VPS13B: variants seen among roughly 807,000 people sequenced by gnomAD.
VPS13B encodes the protein intermembrane lipid transfer protein VPS13B.
Under a neutral mutation model 426.4 loss-of-function variants are expected in VPS13B, and 285 were observed. The ratio of observed to expected loss-of-function variants is 0.67; its 90% CI spans 0.61 to 0.74. The LOEUF (loss-of-function observed/expected upper bound fraction) is 0.74. Ranked by LOEUF, VPS13B falls within the 30% of genes least tolerant of loss-of-function variation. The pLI is 0.00. For synonymous variants in VPS13B, 1,676 were observed against 1,676.4 expected, an observed-to-expected ratio of 1.00 and a Z score of 0.01; for missense variants, 4,537 against 4,782.6, an observed-to-expected ratio of 0.95 and a Z score of 1.51.
rs772565395 is a variant in VPS13B, at chr8:99,864,566, GTAA to G, written c.11215+2629_11215+2631del. 2.6e-5 allele frequency among the ~76,000 whole-genome samples: 4 copies of G among 152,112 alleles called. No homozygotes were observed. In the East Asian group the frequency reaches 5.8e-4, roughly 22 times the overall value. ...GAGACCTTGTCTCAAAATAATAATA[GTAA>G]TAATAATAGTTTTAAACCCATGCCA... On this transcript the variant is annotated intron_variant, in intron 58 of 61. Transcript: ENST00000357162.
rs1486554093 is a variant in VPS13B, at chr8:99,447,769, A to G, written c.3445+5134A>G. Among the ~76,000 whole-genome samples, 5 of 152,054 alleles carry G rather than the reference A, an allele frequency of 3.3e-5. No individual in the cohort carries two copies. In the East Asian group the frequency reaches 9.6e-4, roughly 29 times the overall value. Reference sequence around the variant, plus strand: ...CATATTGTTAAAATACAGTATAGTCATTTTTATTTTTTTAGGAGAGGGATC... The same window carrying G: ...CATATTGTTAAAATACAGTATAGTCGTTTTTATTTTTTTAGGAGAGGGATC... On this transcript the variant is annotated intron_variant, in intron 23 of 61. Coordinates refer to ENST00000357162, the MANE Select transcript of VPS13B (RefSeq NM_152564.5).
intron 59 of VPS13B, among the ~76,000 whole-genome samples, chr8:99,868,861 T>G (rs1817244180): frequency 6.6e-6 from 1 of 152,198 alleles, no homozygotes; most frequent in Admixed American, 6.5e-5. Flanking sequence ...AGAGTGTGGA[T>G]GTGCACATGG....
At chr8:99,538,962 A>T (rs1357650561) in intron 30 of VPS13B, among the ~76,000 whole-genome samples, 1 of 152,236 alleles carries the variant, frequency 6.6e-6, no homozygotes, top group African/African-American at 2.4e-5. Context: ...TAGATTATAA[A>T]GGAAGAACTC....
intron 42 of VPS13B, among the ~76,000 whole-genome samples, chr8:99,783,225 G>A (rs1812103123): frequency 1.3e-5 from 2 of 152,124 alleles, no homozygotes; most frequent in African/African-American, 4.8e-5. Context: ...CTTCTGAGTT[G>A]TATCTCTGTT....
chr8:99,013,683 G>A (rs1388236234), intron 1 of VPS13B, 77 bp from the exon 2 acceptor site: 2 of 1,418,510 alleles, frequency 1.4e-6, no homozygotes, highest in African/African-American at 2.8e-5. Flanking sequence ...GGGACTTACT[G>A]CTTTCGGCCT....
At chr8:99,347,233 T>C (rs1338612362) in intron 19 of VPS13B, 1 of 152,356 alleles carries the variant, frequency 6.6e-6, no homozygotes, top group Non-Finnish European at 1.5e-5. Flanking sequence ...GTACAGCTGT[T>C]GATCAGACCC....
chr8:99,465,468 C>T (rs192186558), intron 23 of VPS13B, among the ~76,000 whole-genome samples: 93 of 149,210 alleles, frequency 6.2e-4, no homozygotes, highest in African/African-American at 2.2e-3. Flanking sequence ...TAATCTGATT[C>T]CAAAGAAGAC....
At chr8:99,797,164 A>G (rs980866237) in intron 43 of VPS13B, 1 of 152,230 alleles carries the variant, frequency 6.6e-6, no homozygotes, top group Non-Finnish European at 1.5e-5. Flanking sequence ...AGGGCTTTGA[A>G]TAAGGTATTG....
chr8:99,464,518 C>T (rs900817737), intron 23 of VPS13B, among the ~76,000 whole-genome samples: 18 of 151,996 alleles, frequency 1.2e-4, no homozygotes, highest in South Asian at 2.1e-4. Context: ...GTTCACTAAC[C>T]GCAACATTGA....
At chr8:99,646,252 C>T (rs919217126) in intron 34 of VPS13B, among the ~76,000 whole-genome samples, 1 of 152,172 alleles carries the variant, frequency 6.6e-6, no homozygotes, top group Admixed American at 6.5e-5. Context: ...CAGTGTCTCA[C>T]ATTTGTAATC....
intron 2 of VPS13B, among the ~76,000 whole-genome samples, chr8:99,030,494 C>T (rs922642041): frequency 2.6e-4 from 35 of 137,072 alleles, no homozygotes; most frequent in African/African-American, 9.3e-4. Context: ...GTGTGTGTAC[C>T]ATGATGTAAT....
At chr8:99,551,413 T>C (rs1173115173) in intron 30 of VPS13B, among the ~76,000 whole-genome samples, 5 of 152,066 alleles carry the variant, frequency 3.3e-5, no homozygotes, top group Non-Finnish European at 5.9e-5. Flanking sequence ...AGAATATTGA[T>C]TGATTTATTA....
chr8:99,818,570 ACT>A (rs1377917676), intron 46 of VPS13B, 36 bp downstream of exon 46: 1 of 1,609,460 alleles, frequency 6.2e-7, no homozygotes. Flanking sequence ...ATGGTATATG[ACT>A]CTGACCTTTC....
intron 33 of VPS13B, among the ~76,000 whole-genome samples, chr8:99,641,051 T>C (rs866239000): frequency 6.6e-6 from 1 of 152,310 alleles, no homozygotes; most frequent in Middle Eastern, 3.4e-3. Flanking sequence ...GCCAAATGAT[T>C]ATAACTCTTG....
chr8:99,814,063 C>T (rs1026616623), intron 44 of VPS13B, among the ~76,000 whole-genome samples: 4 of 152,114 alleles, frequency 2.6e-5, no homozygotes, highest in Non-Finnish European at 1.5e-5. Context: ...TCCCTTGAGC[C>T]GAGGAGTTCA....
At position 99,641,990 on chromosome 8, in the gene VPS13B, G is replaced by T. The variant is rs1402680178; in HGVS notation, c.5400G>T (p.Gln1800His). Residue 1800 changes from glutamine to histidine, a missense_variant, in exon 34 of 62, where the codon CAG (glutamine) becomes CAT (histidine). Physicochemically the swap from Gln to His is conservative, Grantham distance 24. This residue lies in a region of VPS13B where 4,311 missense variants were observed against 4,474.3 expected (regional missense o/e 0.96). Coordinates refer to ENST00000357162, the MANE Select transcript of VPS13B (RefSeq NM_152564.5). ...SQHRIARPSR[Q>H]SSIVKNLNFI... Reference sequence around the variant, plus strand: ...ATCGCATTGCCCGTCCCTCACGCCAGTCATCAATTGTAAAAAATCTAAATT... The same window carrying T: ...ATCGCATTGCCCGTCCCTCACGCCATTCATCAATTGTAAAAAATCTAAATT... 6.2e-7 allele frequency: 1 copy of T among 1,613,970 alleles called. No individual in the cohort carries two copies. The highest frequency in any genetic ancestry group is 1.3e-5 in the African/African-American group (1 of 74,910).
intron 2 of VPS13B, among the ~76,000 whole-genome samples, chr8:99,016,701 C>T (rs899755890): frequency 3.3e-5 from 5 of 150,370 alleles, no homozygotes; most frequent in African/African-American, 4.9e-5. Context: ...ACACCATTCT[C>T]CTGCCTCAGC....
chr8:99,174,658 A>T, intron 16 of VPS13B, among the ~76,000 whole-genome samples: 1 of 152,132 alleles, frequency 6.6e-6, no homozygotes, highest in East Asian at 1.9e-4. Context: ...TGTTGTGTAA[A>T]TTAATCCCTT....
intron 6 of VPS13B, among the ~76,000 whole-genome samples, chr8:99,114,422 G>A (rs1400095368): frequency 6.6e-6 from 1 of 152,044 alleles, no homozygotes; most frequent in Non-Finnish European, 1.5e-5. Flanking sequence ...TTTCTACTGA[G>A]TATTAATCTT....
Sources: gnomAD v4.1 joint callset for allele counts (sites outside exome capture counted in the v4.1 genomes callset) on GRCh38, gnomAD v4.1.1 for gene constraint, gnomAD v4.1.1 regional missense constraint, MANE v1.5 for transcripts, NCBI Gene and HGNC (gene_info 2026-07-23, HGNC 2026-07-21) for gene names.